The following NPLOC4 variants were observed in gnomAD, a reference collection of about 807,000 sequenced individuals.
NPLOC4 encodes the protein nuclear protein localization protein 4 homolog.
NPLOC4 carries 18 observed loss-of-function variants against 80.6 expected under a neutral mutation model. The observed-to-expected ratio is 0.22, with a 90% confidence interval of 0.15 to 0.33. The LOEUF (loss-of-function observed/expected upper bound fraction) is 0.33. Among genes scored for constraint, NPLOC4 ranks in the 10% least tolerant of loss-of-function variants. The pLI is 1.00. For synonymous variants in NPLOC4, 313 were observed against 301.5 expected (o/e 1.04, Z -0.39); for missense variants, 540 against 786.1 (o/e 0.69, Z 3.74).
intron 12 of NPLOC4, among the ~76,000 whole-genome samples, chr17:81,574,714 T>G (rs894717400): frequency 6.6e-6 from 1 of 152,028 alleles, no homozygotes; most frequent in African/African-American, 2.4e-5. Flanking sequence ...CTTTGTTAGC[T>G]CAAAAGCAAT....
chr17:81,629,995 G>T, intron 1 of NPLOC4, 190 bp from the exon 2 acceptor site: 1 of 533,792 alleles, frequency 1.9e-6, no homozygotes, highest in Non-Finnish European at 3.3e-6. Context: ...ATCAACATAT[G>T]GGGAGATATT....
intron 2 of NPLOC4, among the ~76,000 whole-genome samples, chr17:81,623,608 C>G (rs2035724421): frequency 6.6e-6 from 1 of 151,448 alleles, no homozygotes; most frequent in South Asian, 2.1e-4. Flanking sequence ...ACCATCCTGG[C>G]TAACACGGTG....
rs778199159 is a variant in NPLOC4, at chr17:81,622,233, T to G, written c.142A>C (p.Ile48Leu). The change falls in exon 3 of 17, where the codon ATC becomes CTC. Residue 48 changes from isoleucine to leucine, a missense_variant. By Grantham distance (5) the Ile-to-Leu change is conservative. This residue lies in a region of NPLOC4 where 62 missense variants were observed against 84.4 expected (regional missense o/e 0.73). Coordinates refer to ENST00000331134, the MANE Select transcript of NPLOC4 (RefSeq NM_017921.4). ...ATCTCTCCGGTCTTGTTTCTATTGA[T>G]GTAAACCGAGAAGCCATTATTTTGG... is the stretch of plus-strand genomic sequence containing the variant. The part of the protein sequence containing the change: ...GFQNNGFSVY[I>L]NRNKTGEITA... The G allele has an allele frequency of 1.2e-6, 2 of 1,613,972 alleles. No individual in the cohort carries two copies.
At chr17:81,631,437 T>TATATACATA (rs200897859) in intron 1 of NPLOC4, among the ~76,000 whole-genome samples, 1 of 42,928 alleles carries the variant, frequency 2.3e-5, no homozygotes, top group African/African-American at 9.4e-5. Flanking sequence ...TATATATATA[T>TATATACATA]TTTTTTTTTT....
chr17:81,563,908 G>A, intron 16 of NPLOC4: 1 of 454,356 alleles, frequency 2.2e-6, no homozygotes, highest in Non-Finnish European at 4.4e-6. Context: ...GCTAAACATG[G>A]GTACTCACGT....
At chr17:81,598,764 G>A (rs529520401) in intron 9 of NPLOC4, among the ~76,000 whole-genome samples, 2 of 152,094 alleles carry the variant, frequency 1.3e-5, no homozygotes, top group Admixed American at 6.6e-5. Context: ...TTCTGTCCTC[G>A]GGAAGGATCT....
chr17:81,614,577 T>C (rs1028673655), intron 3 of NPLOC4, among the ~76,000 whole-genome samples: 21 of 34,356 alleles, frequency 6.1e-4, no homozygotes, highest in African/African-American at 4.5e-3. Context: ...GGGTTTCTGC[T>C]TGTCTCTGAA....
rs1250023308 is a variant in NPLOC4 at position 81,629,876 on chromosome 17, C to G, written c.16-71G>C. 7.8e-6 allele frequency: 9 copies of G among 1,159,468 alleles called. No individual in the cohort carries two copies. The Admixed American group carries it at 1.5e-4, about 19-fold the overall frequency. 71.8% of individuals were successfully genotyped at this position (1,159,468 alleles called of 1,614,324 possible). A position where few individuals can be genotyped will look rare whatever the true frequency, so the allele number is the denominator to read the frequency against. ...CCTGATCTAATACTACGGCTTCCAT[C>G]TGTGGTCTTTTAGCATCTGGGTCAC... On this transcript the variant is annotated intron_variant, in intron 1 of 16. Coordinates refer to ENST00000331134, the MANE Select transcript of NPLOC4 (RefSeq NM_017921.4).
At chr17:81,622,713 G>T (rs867570874) in intron 2 of NPLOC4, among the ~76,000 whole-genome samples, 1 of 151,928 alleles carries the variant, frequency 6.6e-6, no homozygotes, top group South Asian at 2.1e-4. Context: ...ACCACACCCG[G>T]CTGATTTTTG....
At chr17:81,584,997 C>T (rs2034535011) in intron 12 of NPLOC4, among the ~76,000 whole-genome samples, 1 of 151,734 alleles carries the variant, frequency 6.6e-6, no homozygotes, top group South Asian at 2.1e-4. Context: ...TGGTGAAACC[C>T]TGTCTCTACT....
intron 2 of NPLOC4, among the ~76,000 whole-genome samples, chr17:81,624,203 G>A (rs768996359): frequency 5.9e-5 from 9 of 152,132 alleles, no homozygotes; most frequent in East Asian, 1.9e-4. Flanking sequence ...GGCGGATCAC[G>A]AGGTCAGGAG....
chr17:81,594,706 T>C (rs1482065759), intron 11 of NPLOC4, among the ~76,000 whole-genome samples: 1 of 149,034 alleles, frequency 6.7e-6, no homozygotes, highest in Admixed American at 6.7e-5. Context: ...ACCCGGGAGG[T>C]GGAACCTGCA....
At chr17:81,617,351 C>T (rs1404300724) in intron 3 of NPLOC4, among the ~76,000 whole-genome samples, 1 of 152,144 alleles carries the variant, frequency 6.6e-6, no homozygotes, top group Middle Eastern at 3.2e-3. Flanking sequence ...CAGTTCACAA[C>T]AGTGTGGACA....
chr17:81,575,250 C>G (rs905804163), intron 12 of NPLOC4, among the ~76,000 whole-genome samples: 13 of 152,162 alleles, frequency 8.5e-5, no homozygotes, highest in African/African-American at 3.1e-4. Context: ...CAGGTGCCCG[C>G]CACCACGCCC....
intron 16 of NPLOC4, among the ~76,000 whole-genome samples, chr17:81,560,337 C>T (rs1026807018): frequency 6.6e-5 from 10 of 151,626 alleles, no homozygotes; most frequent in South Asian, 2.1e-4. Flanking sequence ...CCCATGAACC[C>T]GGGAGGGGAA....
chr17:81,622,735 G>C (rs2035701160), intron 2 of NPLOC4, among the ~76,000 whole-genome samples: 1 of 152,030 alleles, frequency 6.6e-6, no homozygotes, highest in South Asian at 2.1e-4. Context: ...ATTTTTAGTA[G>C]AGATGGAGTT....
intron 3 of NPLOC4, among the ~76,000 whole-genome samples, chr17:81,616,989 G>A (rs1181770925): frequency 6.6e-6 from 1 of 152,186 alleles, no homozygotes; most frequent in Non-Finnish European, 1.5e-5. Context: ...CCCTCCTGCA[G>A]GCAGCTAGAC....
At chr17:81,613,025 G>A in intron 4 of NPLOC4, 1 of 274,666 alleles carries the variant, frequency 3.6e-6, no homozygotes, top group Non-Finnish European at 6.8e-6. Context: ...AAGACTTGGT[G>A]TGAGGCCCCC....
At chr17:81,559,904 A>C (rs900021963) in intron 16 of NPLOC4, among the ~76,000 whole-genome samples, 3 of 150,828 alleles carry the variant, frequency 2.0e-5, no homozygotes, top group Non-Finnish European at 3.0e-5. Flanking sequence ...GGCTAATTTT[A>C]TCTATTTTTT....
Sources: allele counts gnomAD v4.1 joint callset (sites outside exome capture counted in the v4.1 genomes callset), GRCh38; gene constraint gnomAD v4.1.1; regional missense constraint gnomAD v4.1.1; transcripts MANE v1.5; gene names NCBI Gene and HGNC (gene_info 2026-07-23, HGNC 2026-07-21).